Variants in PTPN14 observed in about 807,000 individuals in gnomAD.
PTPN14 encodes protein tyrosine phosphatase non-receptor type 14, also known as tyrosine-protein phosphatase non-receptor type 14.
Under a neutral mutation model 126.8 loss-of-function variants are expected in PTPN14, and 53 were observed. The observed-to-expected ratio is 0.42, with a 90% confidence interval of 0.34 to 0.53. The LOEUF (loss-of-function observed/expected upper bound fraction) is 0.53. Ranked by LOEUF, PTPN14 falls within the 20% of genes least tolerant of loss-of-function variation. PTPN14 has a pLI of 0.08. For missense variants in PTPN14, 1,257 were observed against 1,552.9 expected (o/e 0.81, Z 3.20); for synonymous variants, 630 against 599.3 (o/e 1.05, Z -0.75).
Position 214,354,812 on chromosome 1 carries a change from A to C in PTPN14, c.*3110T>G, listed in dbSNP as rs370521685. On this transcript the variant is annotated 3_prime_UTR_variant, in exon 19 of 19. Coordinates refer to ENST00000366956, the MANE Select transcript of PTPN14 (RefSeq NM_005401.5). ...TTTTCTCCCTTCAAATCCAAACTGC[A>C]GCAATAGACACTGACAGCTCCAGCT... 3 of 152,190 alleles carry C rather than the reference A, an allele frequency of 2.0e-5. No individual in the cohort carries two copies. Among genetic ancestry groups the C allele is most frequent in the African/African-American group, 7.2e-5 (3 of 41,454 alleles). 9.4% of individuals were successfully genotyped at this position (152,190 alleles called of 1,614,324 possible).
At chr1:214,377,890 G>A (rs561943301) in intron 14 of PTPN14, 69 bp downstream of exon 14, 56 of 1,521,478 alleles carry the variant, frequency 3.7e-5, no homozygotes, top group South Asian at 1.5e-4. Flanking sequence ...TGGCATATTC[G>A]GGCAAGGAGG....
chr1:214,487,290 T>C (rs1029734209), intron 1 of PTPN14, among the ~76,000 whole-genome samples: 3 of 152,006 alleles, frequency 2.0e-5, no homozygotes, highest in Non-Finnish European at 2.9e-5. Context: ...GAACACCTTA[T>C]GAGAGATCAG....
At chr1:214,537,124 G>A (rs1300707183) in intron 1 of PTPN14, among the ~76,000 whole-genome samples, 1 of 152,188 alleles carries the variant, frequency 6.6e-6, no homozygotes, top group East Asian at 1.9e-4. Context: ...CCTTGAGTTA[G>A]TAAACGAAGC....
At position 214,460,887 on chromosome 1, in the gene PTPN14, A is replaced by G. The variant is rs375477037; in HGVS notation, c.174+3743T>C. ...TGAAAGCCATGTTAAATAGCAGCAT[A>G]TCATATTTGTCCAAACCTACAGAAT... On this transcript the variant is annotated intron_variant, in intron 2 of 18. Transcript: ENST00000366956. 1.8e-4 allele frequency among the ~76,000 whole-genome samples: 28 copies of G among 152,330 alleles called. No homozygotes were observed. In the East Asian group the frequency reaches 4.6e-3, roughly 25 times the overall value.
At chr1:214,543,336 T>C (rs1218637443) in intron 1 of PTPN14, among the ~76,000 whole-genome samples, 1 of 152,186 alleles carries the variant, frequency 6.6e-6, no homozygotes, top group Admixed American at 6.5e-5. Context: ...GAGGAAAAAT[T>C]ACCATGTTTT....
chr1:214,393,827 A>G (rs1201663576), intron 9 of PTPN14, 50 bp from the exon 10 acceptor site: 5 of 1,403,498 alleles, frequency 3.6e-6, no homozygotes, highest in Admixed American at 3.4e-5. Context: ...TGAATTAGTT[A>G]TACATTTCAT....
intron 2 of PTPN14, among the ~76,000 whole-genome samples, chr1:214,456,791 G>A (rs1004060966): frequency 8.5e-5 from 13 of 152,120 alleles, no homozygotes; most frequent in African/African-American, 2.7e-4. Context: ...TTCTAGGATT[G>A]ACATTAAGCT....
At chr1:214,472,437 C>T (rs1572022048) in intron 1 of PTPN14, among the ~76,000 whole-genome samples, 1 of 152,154 alleles carries the variant, frequency 6.6e-6, no homozygotes, top group Non-Finnish European at 1.5e-5. Flanking sequence ...TCCTGTACAG[C>T]CTGCAGAAGC....
At chr1:214,414,444 G>A (rs1649477998) in intron 4 of PTPN14, among the ~76,000 whole-genome samples, 185 bp downstream of exon 4, 1 of 152,156 alleles carries the variant, frequency 6.6e-6, no homozygotes, top group Non-Finnish European at 1.5e-5. Context: ...ACAGCTTTGA[G>A]AAATCTACCA....
At chr1:214,468,101 T>TAG (rs1660680695) in intron 1 of PTPN14, among the ~76,000 whole-genome samples, 1 of 152,200 alleles carries the variant, frequency 6.6e-6, no homozygotes, top group Admixed American at 6.5e-5. Context: ...AAACAGAAAT[T>TAG]AGATGATATT....
rs1168266106 is a variant in PTPN14, at chr1:214,355,729, C to T, written c.*2193G>A. On this transcript the variant is annotated 3_prime_UTR_variant, in exon 19 of 19. Transcript: ENST00000366956. Reference sequence around the variant, plus strand: ...AGGTTGAAACAGAGGATTCCTATTCCGAAGAACTTAATGGGGAATATATAC... The same window carrying T: ...AGGTTGAAACAGAGGATTCCTATTCTGAAGAACTTAATGGGGAATATATAC... The T allele has an allele frequency of 3.3e-5, 5 of 151,968 alleles. No individual in the cohort carries two copies. The highest frequency in any genetic ancestry group is 1.3e-4 in the Admixed American group (2 of 15,256). 9.4% of individuals were successfully genotyped at this position (151,968 alleles called of 1,614,324 possible). A position where few individuals can be genotyped will look rare whatever the true frequency, so the allele number is the denominator to read the frequency against.
At position 214,393,051 on chromosome 1, in the gene PTPN14, G is replaced by A. The variant is rs774367098; in HGVS notation, c.929+644C>T. 4.6e-5 allele frequency among the ~76,000 whole-genome samples: 7 copies of A among 152,156 alleles called. No homozygotes were observed. The East Asian group carries it at 5.8e-4, about 13-fold the overall frequency. On this transcript the variant is annotated intron_variant, in intron 10 of 18. Coordinates refer to ENST00000366956, the MANE Select transcript of PTPN14 (RefSeq NM_005401.5). ...TGAAGGTAACCAAGAAAAAGACAAC[G>A]ATAGAGTGAGCCCCAGCACGCTCCA...
chr1:214,433,951 C>CA (rs1158472144), intron 3 of PTPN14, among the ~76,000 whole-genome samples: 136 of 98,552 alleles, frequency 1.4e-3, no homozygotes, highest in Non-Finnish European at 2.0e-3. Flanking sequence ...CACACACACA[C>CA]AAAAAAAAAA....
intron 17 of PTPN14, among the ~76,000 whole-genome samples, chr1:214,367,595 T>C (rs1658112215): frequency 6.6e-6 from 1 of 152,128 alleles, no homozygotes. Flanking sequence ...TCCATGGTGG[T>C]CACAGGTCTT....
chr1:214,391,416 T>A (rs894973365), intron 10 of PTPN14, among the ~76,000 whole-genome samples: 9 of 151,696 alleles, frequency 5.9e-5, no homozygotes, highest in African/African-American at 2.2e-4. Flanking sequence ...TCACAGTTTT[T>A]AAAAAAAATG....
chr1:214,502,007 C>T (rs977440972), intron 1 of PTPN14, among the ~76,000 whole-genome samples: 4 of 141,428 alleles, frequency 2.8e-5, no homozygotes, highest in Non-Finnish European at 3.0e-5. Flanking sequence ...TGCAGTGAGC[C>T]GAGACTGTGC....
At chr1:214,510,936 G>A (rs1449967153) in intron 1 of PTPN14, among the ~76,000 whole-genome samples, 1 of 152,068 alleles carries the variant, frequency 6.6e-6, no homozygotes, top group Non-Finnish European at 1.5e-5. Context: ...GAAGTGCAGT[G>A]GCACAATCAC....
At chr1:214,427,030 C>T (rs1181801071) in intron 3 of PTPN14, among the ~76,000 whole-genome samples, 2 of 152,068 alleles carry the variant, frequency 1.3e-5, no homozygotes, top group African/African-American at 2.4e-5. Context: ...CCTGTAATCC[C>T]AGCACTTTGT....
intron 5 of PTPN14, among the ~76,000 whole-genome samples, chr1:214,411,206 T>C (rs1318071177): frequency 2.0e-5 from 3 of 152,076 alleles, no homozygotes; most frequent in African/African-American, 4.8e-5. Flanking sequence ...CTATTGTAAA[T>C]GGGATTGTTT....
Sources: gnomAD v4.1 joint callset for allele counts (sites outside exome capture counted in the v4.1 genomes callset) on GRCh38, gnomAD v4.1.1 for gene constraint, MANE v1.5 for transcripts, NCBI Gene and HGNC (gene_info 2026-07-23, HGNC 2026-07-21) for gene names.